Variants in TMEM51 observed in about 807,000 individuals in gnomAD.
TMEM51 encodes chromosome 1 open reading frame 72.
Under a neutral mutation model 13.6 loss-of-function variants are expected in TMEM51, and 8 were observed. The ratio of observed to expected loss-of-function variants is 0.59; its 90% CI spans 0.35 to 1.07. The LOEUF is 1.07. TMEM51 is among the 50% of genes least tolerant of loss of function. The pLI, the probability that TMEM51 is intolerant of heterozygous loss-of-function variation, is 0.02. For missense variants in TMEM51, 279 were observed against 330.7 expected, an observed-to-expected ratio of 0.84 and a Z score of 1.21; for synonymous variants, 147 against 144.4, an observed-to-expected ratio of 1.02 and a Z score of -0.13.
intron 1 of TMEM51, among the ~76,000 whole-genome samples, chr1:15,173,692 C>T (rs1218527033): frequency 6.8e-6 from 1 of 146,730 alleles, no homozygotes; most frequent in Non-Finnish European, 1.5e-5. Context: ...AAAAAAAACA[C>T]AAACAAAATT....
At chr1:15,214,838 C>T in intron 2 of TMEM51, 57 bp from the exon 3 acceptor site, 1 of 502,902 alleles carries the variant, frequency 2.0e-6, no homozygotes, top group Non-Finnish European at 3.5e-6. Flanking sequence ...GCCACATTCA[C>T]AAAGCGTCTG....
At position 15,198,136 on chromosome 1, in the gene TMEM51, GC is replaced by G. The variant is rs527351260; in HGVS notation, c.-266-12353del. 4.6e-5 allele frequency among the ~76,000 whole-genome samples: 7 copies of G among 152,176 alleles called. No individual in the cohort carries two copies. The South Asian group carries it at 1.5e-3, about 32-fold the overall frequency. ...CTCACATCCTAGTATGGCTGCTTGA[GC>G]TCCAACCATCACATCTGCACTAGAA... is the stretch of plus-strand genomic sequence containing the variant. On this transcript the variant is annotated intron_variant, in intron 1 of 3. Coordinates refer to ENST00000376008, the MANE Select transcript of TMEM51 (RefSeq NM_001136218.2).
chr1:15,175,738 C>T (rs1262933642), intron 1 of TMEM51, among the ~76,000 whole-genome samples: 2 of 152,188 alleles, frequency 1.3e-5, no homozygotes, highest in African/African-American at 4.8e-5. Flanking sequence ...TTTATAAAAC[C>T]ATCAGATCTC....
intron 1 of TMEM51, among the ~76,000 whole-genome samples, chr1:15,194,220 G>T (rs1208653433): frequency 6.6e-6 from 1 of 152,062 alleles, no homozygotes; most frequent in Non-Finnish European, 1.5e-5. Flanking sequence ...TTTTAAAAAG[G>T]ACAAAGAAAC....
At chr1:15,209,794 G>A (rs1644309145) in intron 1 of TMEM51, among the ~76,000 whole-genome samples, 1 of 152,146 alleles carries the variant, frequency 6.6e-6, no homozygotes, top group Non-Finnish European at 1.5e-5. Context: ...CACTTTGGGA[G>A]GCCAAGGCAA....
chr1:15,154,869 C>T (rs1476987553), intron 1 of TMEM51, among the ~76,000 whole-genome samples: 1 of 151,868 alleles, frequency 6.6e-6, no homozygotes, highest in Non-Finnish European at 1.5e-5. Context: ...CTGCTGGGAA[C>T]CCGGGCGCTG....
intron 1 of TMEM51, among the ~76,000 whole-genome samples, chr1:15,159,034 T>C (rs903916567): frequency 6.6e-6 from 1 of 152,214 alleles, no homozygotes; most frequent in Non-Finnish European, 1.5e-5. Context: ...CCGGTTATAC[T>C]GTGATCCTGG....
intron 1 of TMEM51, chr1:15,168,822 G>C: frequency 1.6e-6 from 2 of 1,271,086 alleles, no homozygotes; most frequent in Non-Finnish European, 2.1e-6. Context: ...CTGGGAGTCA[G>C]AGCCATATCC....
At chr1:15,195,194 A>G (rs1644024168) in intron 1 of TMEM51, among the ~76,000 whole-genome samples, 1 of 151,914 alleles carries the variant, frequency 6.6e-6, no homozygotes, top group African/African-American at 2.4e-5. Flanking sequence ...CGGCCTCCCA[A>G]AGTGCTGGGA....
chr1:15,157,032 C>T lies in TMEM51; in HGVS notation c.-267+3078C>T, dbSNP rs1642613670. On this transcript the variant is annotated intron_variant, in intron 1 of 3. Transcript: ENST00000376008. ...TTGAGCCCTCGCTGCCATGGCCACC[C>T]CTCCTGGGAGCTCTTGCTCCTGAGA... Among the ~76,000 whole-genome samples the T allele has an allele frequency of 2.6e-5, 4 of 152,212 alleles. No individual in the cohort carries two copies. In the South Asian group the frequency reaches 8.3e-4, roughly 31 times the overall value.
chr1:15,209,166 C>T (rs1573445212), intron 1 of TMEM51, among the ~76,000 whole-genome samples: 1 of 152,044 alleles, frequency 6.6e-6, no homozygotes, highest in South Asian at 2.1e-4. Context: ...ACCTCCTAGG[C>T]TCAAGCAGAT....
chr1:15,193,105 C>T (rs984435700), intron 1 of TMEM51, among the ~76,000 whole-genome samples: 9 of 152,178 alleles, frequency 5.9e-5, no homozygotes, highest in African/African-American at 1.9e-4. Context: ...ACAGCACCGG[C>T]GTAGCAGCCC....
chr1:15,208,759 G>A (rs570999217), intron 1 of TMEM51, among the ~76,000 whole-genome samples: 5 of 152,058 alleles, frequency 3.3e-5, no homozygotes, highest in African/African-American at 4.8e-5. Context: ...GAGCAGAAAG[G>A]AAACCACTGA....
rs146194702 is a variant in TMEM51 at position 15,192,865 on chromosome 1, G to A, written c.-266-17625G>A. ...TGCCATCTCTGCAGCAGTGGGAGAA[G>A]GAAATGCTGCCCCACTCACAAATGT... On this transcript the variant is annotated intron_variant, in intron 1 of 3. Coordinates refer to ENST00000376008, the MANE Select transcript of TMEM51 (RefSeq NM_001136218.2). 4.7e-5 allele frequency: 8 copies of A among 169,040 alleles called. No homozygotes were observed. In the East Asian group the frequency reaches 1.3e-3, roughly 28 times the overall value. The allele number at this position is 169,040 out of a possible 1,614,324, so 10.5% of individuals were successfully genotyped here. A position where few individuals can be genotyped will look rare whatever the true frequency, so the allele number is the denominator to read the frequency against.
At chr1:15,213,537 G>C (rs1557858762) in intron 2 of TMEM51, among the ~76,000 whole-genome samples, 1 of 152,126 alleles carries the variant, frequency 6.6e-6, no homozygotes, top group Non-Finnish European at 1.5e-5. Context: ...GGCATTGCTT[G>C]CTCCTCCTCC....
chr1:15,199,426 C>A (rs903838657), intron 1 of TMEM51, among the ~76,000 whole-genome samples: 2 of 152,184 alleles, frequency 1.3e-5, no homozygotes, highest in Non-Finnish European at 2.9e-5. Flanking sequence ...TGAGCCACCA[C>A]ACCCGGTCAG....
At position 15,219,357 on chromosome 1, in the gene TMEM51, G is replaced by T; in HGVS notation, c.376G>T (p.Ala126Ser). ...GGAAGAAGAGGAGGATGAGGAGGCT[G>T]CCTCAAGGTACTATGTTCCCAGCTA... ...QEEEEEDEEA[A>S]SRYYVPSYEE... Residue 126 changes from alanine (A) to serine (S), a missense_variant, in exon 4 of 4, where the codon GCC becomes TCC. By Grantham distance (99) the Ala-to-Ser change is moderately conservative (BLOSUM62 1). Coordinates refer to ENST00000376008, the MANE Select transcript of TMEM51 (RefSeq NM_001136218.2). The T allele has an allele frequency of 6.3e-7, 1 of 1,595,134 alleles. No individual in the cohort carries two copies. Among genetic ancestry groups the T allele is most frequent in the Non-Finnish European group, 8.6e-7 (1 of 1,167,810 alleles).
chr1:15,192,131 G>A (rs878967171), intron 1 of TMEM51: 2 of 456,806 alleles, frequency 4.4e-6, no homozygotes, highest in South Asian at 3.4e-5. Context: ...CCGTTTTGAT[G>A]AACAGCATTT....
At position 15,183,412 on chromosome 1, in the gene TMEM51, G is replaced by T. The variant is rs186047701; in HGVS notation, c.-266-27078G>T. Reference sequence around the variant, plus strand: ...ACCTAGCCCCAGGTACCCCGATTCTGCCGATTACCAGCTGCAAAACTTTAT... The same window carrying T: ...ACCTAGCCCCAGGTACCCCGATTCTTCCGATTACCAGCTGCAAAACTTTAT... On this transcript the variant is annotated intron_variant, in intron 1 of 3. Coordinates refer to ENST00000376008, the MANE Select transcript of TMEM51 (RefSeq NM_001136218.2). Among the ~76,000 whole-genome samples the T allele has an allele frequency of 2.6e-3, 393 of 152,280 alleles. 1 individual carries two copies. The highest frequency in any genetic ancestry group is 4.0e-3 in the Non-Finnish European group (269 of 68,018).
Sources: gnomAD v4.1 joint callset for allele counts (sites outside exome capture counted in the v4.1 genomes callset) on GRCh38, gnomAD v4.1.1 for gene constraint, MANE v1.5 for transcripts, NCBI Gene and HGNC (gene_info 2026-07-23, HGNC 2026-07-21) for gene names.